Variants in RMDN3 observed in about 807,000 individuals in gnomAD.
RMDN3 encodes regulator of microtubule dynamics 3, also known as regulator of microtubule dynamics protein 3.
A neutral mutation model predicts 61.8 loss-of-function variants in RMDN3; 41 were observed. The ratio of observed to expected loss-of-function variants is 0.66; its 90% CI spans 0.52 to 0.86. The LOEUF (loss-of-function observed/expected upper bound fraction) is 0.86. RMDN3 is among the 40% of genes least tolerant of loss of function. The probability of loss-of-function intolerance (pLI) is 0.00; values close to 1 mark genes in which losing one functional copy is unlikely to be tolerated. For synonymous variants in RMDN3, 247 were observed against 232.0 expected, an observed-to-expected ratio of 1.06 and a Z score of -0.59; for missense variants, 557 against 585.3, an observed-to-expected ratio of 0.95 and a Z score of 0.50.
intron 4 of RMDN3, among the ~76,000 whole-genome samples, chr15:40,748,910 T>A (rs1167196705): frequency 6.9e-6 from 1 of 144,502 alleles, no homozygotes; most frequent in Non-Finnish European, 1.5e-5. Flanking sequence ...CTCAGTAATT[T>A]TTTTTTTTTT....
At chr15:40,743,370 G>C (rs576088662) in intron 6 of RMDN3, among the ~76,000 whole-genome samples, 1 of 151,514 alleles carries the variant, frequency 6.6e-6, no homozygotes, top group Non-Finnish European at 1.5e-5. Flanking sequence ...GCAGTCAGCC[G>C]AGATCAGGCC....
At position 40,736,604 on chromosome 15, in the gene RMDN3, C is replaced by T. The variant is rs1262839002; in HGVS notation, c.1360-10G>A. 6.2e-7 allele frequency: 1 copy of T among 1,613,456 alleles called. No homozygotes were observed. Among genetic ancestry groups the T allele is most frequent in the South Asian group, 1.1e-5 (1 of 91,056 alleles). On this transcript the variant is annotated splice_polypyrimidine_tract_variant and intron_variant, in intron 12 of 12. Coordinates refer to ENST00000338376, the MANE Select transcript of RMDN3 (RefSeq NM_018145.3). ...TCTGGATAGCCAAATCCTAGGGAGA[C>T]AAAGAACAAATCTAGGGCTCAAAAT...
Position 40,754,792 on chromosome 15 carries a change from T to G in RMDN3, c.-7-2A>C. Reference sequence around the variant, plus strand: ...GCTCCCAGTCTAGACATGCTGCACCTGCGGCCAGCAGAAGTCACCGGGAGC... The same window carrying G: ...GCTCCCAGTCTAGACATGCTGCACCGGCGGCCAGCAGAAGTCACCGGGAGC... On this transcript the variant is annotated splice_acceptor_variant, in intron 1 of 12. Transcript: ENST00000338376. LOFTEE classifies it low-confidence loss of function (5UTR_SPLICE). The G allele has an allele frequency of 2.9e-6, 4 of 1,375,968 alleles. No homozygotes were observed. Among genetic ancestry groups the G allele is most frequent in the Non-Finnish European group, 3.9e-6 (4 of 1,023,458 alleles). The allele number at this position is 1,375,968 out of a possible 1,614,324, so 85.2% of individuals were successfully genotyped here.
chr15:40,743,526 A>G (rs936279901), intron 6 of RMDN3, among the ~76,000 whole-genome samples: 1 of 152,200 alleles, frequency 6.6e-6, no homozygotes, highest in Non-Finnish European at 1.5e-5. Context: ...ATCAGTCTCT[A>G]AAGTCCAAGC....
At chr15:40,738,736 C>T (rs956791701) in intron 7 of RMDN3, 160 bp from the exon 8 acceptor site, 32 of 660,206 alleles carry the variant, frequency 4.8e-5, no homozygotes, top group South Asian at 9.1e-5. Flanking sequence ...CCATTCTTTA[C>T]GGACCTCTGG....
At chr15:40,738,069 A>C in intron 8 of RMDN3, 27 bp from the exon 9 acceptor site, 1 of 1,608,864 alleles carries the variant, frequency 6.2e-7, no homozygotes, top group Non-Finnish European at 8.5e-7. Context: ...AATATAAACT[A>C]ACATCAGACA....
At chr15:40,744,897 GCCTTCAT>G in intron 5 of RMDN3, 73 bp downstream of exon 5, 1 of 1,417,834 alleles carries the variant, frequency 7.1e-7, no homozygotes. Context: ...AACCACACGG[GCCTTCAT>G]TCCCCAGGGG....
At chr15:40,748,756 C>A (rs547523310) in intron 4 of RMDN3, among the ~76,000 whole-genome samples, 1 of 151,984 alleles carries the variant, frequency 6.6e-6, no homozygotes, top group African/African-American at 2.4e-5. Flanking sequence ...TGCACCACCA[C>A]GCCCAGCTAA....
chr15:40,743,053 G>A (rs1249340535), intron 6 of RMDN3, among the ~76,000 whole-genome samples: 1 of 152,170 alleles, frequency 6.6e-6, no homozygotes, highest in South Asian at 2.1e-4. Flanking sequence ...GGTACTGTTT[G>A]AGTATACATT....
intron 8 of RMDN3, 118 bp downstream of exon 8, chr15:40,738,381 CAA>C (rs34355108): frequency 1.2e-6 from 1 of 830,418 alleles, no homozygotes; most frequent in Middle Eastern, 2.3e-4. Context: ...GACTCTGTCT[CAA>C]AAAAAAAGAA....
Position 40,754,731 on chromosome 15 carries a change from A to T in RMDN3, c.53T>A (p.Leu18Gln). ...GAATCCAAGGCCGGCGGCGGTACCC[A>T]GCAACAGTCCCAGCCCGGCACGGGC... ...GGARAGLGLL[L>Q]GTAAGLGFLC... The change falls in exon 2 of 13, where the codon CTG becomes CAG. Residue 18 changes from leucine to glutamine, a missense_variant. Leu to Gln is a moderately radical substitution (Grantham distance 113, BLOSUM62 -2). Transcript: ENST00000338376. The T allele has an allele frequency of 2.5e-6, 4 of 1,613,152 alleles. No individual in the cohort carries two copies. Among genetic ancestry groups the T allele is most frequent in the Non-Finnish European group, 3.4e-6 (4 of 1,179,716 alleles).
chr15:40,738,177 A>G, intron 8 of RMDN3, 135 bp from the exon 9 acceptor site: 1 of 888,854 alleles, frequency 1.1e-6, no homozygotes, highest in South Asian at 1.5e-5. Flanking sequence ...ACCTGAGGTC[A>G]GGAGTTCGAA....
chr15:40,741,620 A>ATGTTTTTTTTTTTTTT (rs1897282721), intron 6 of RMDN3, among the ~76,000 whole-genome samples: 2 of 71,724 alleles, frequency 2.8e-5, no homozygotes, highest in African/African-American at 5.3e-5. Flanking sequence ...GCAACATAGG[A>ATGTTTTTTTTTTTTTT]TTTTTTTTTT....
chr15:40,739,850 T>TTTTG (rs1022490061), intron 7 of RMDN3, among the ~76,000 whole-genome samples: 19 of 152,168 alleles, frequency 1.2e-4, no homozygotes, highest in Middle Eastern at 3.4e-3. Flanking sequence ...AGAACTCCAG[T>TTTTG]TTTGTAGCTA....
At position 40,745,103 on chromosome 15, in the gene RMDN3, C is replaced by CA; in HGVS notation, c.680dup (p.Glu228GlyfsTer25). 2 of 1,614,132 alleles carry CA rather than the reference C, an allele frequency of 1.2e-6. No homozygotes were observed. Among genetic ancestry groups the CA allele is most frequent in the Non-Finnish European group, 1.7e-6 (2 of 1,180,018 alleles). ...CCAAGCCTGAGGAACCTCCAGCCTC[C>CA]AGGGCACTGGAGGCACCTGAAGCTG... On this transcript the variant is annotated frameshift_variant, in exon 5 of 13. Transcript: ENST00000338376. LOFTEE classifies it high-confidence loss of function.
intron 2 of RMDN3, among the ~76,000 whole-genome samples, chr15:40,752,422 C>T (rs1007007485): frequency 1.3e-5 from 2 of 151,788 alleles, no homozygotes; most frequent in Non-Finnish European, 2.9e-5. Context: ...CTGCACACCA[C>T]GATAGATAAT....
rs185527413 is a variant in RMDN3 at position 40,738,602 on chromosome 15, G to A, written c.972-26C>T. 2.2e-4 allele frequency: 362 copies of A among 1,612,556 alleles called. 6 individuals carry two copies. The East Asian group carries it at 3.5e-3, about 15-fold the overall frequency. On this transcript the variant is annotated intron_variant, in intron 7 of 12. Coordinates refer to ENST00000338376, the MANE Select transcript of RMDN3 (RefSeq NM_018145.3). ...CTAGGGGGGAAGCAGCAAGCTCAGG[G>A]ACAAGGGCTGAGTACCATCACTGCA...
In RMDN3 at chr15:40,736,917, G is replaced by T. The variant is rs371476834; in HGVS notation, c.1359+207C>A. Among the ~76,000 whole-genome samples, 10 of 152,206 alleles carry T rather than the reference G, an allele frequency of 6.6e-5. No homozygotes were observed. The East Asian group carries it at 1.5e-3, about 24-fold the overall frequency. On this transcript the variant is annotated intron_variant, in intron 12 of 12. Transcript: ENST00000338376. The stretch of plus-strand genomic sequence containing the variant: ...TGCCGAGGCTGGAGTGCAATGGCAC[G>T]ATCTGAGCTCACTGCAACCTCCACC...
In RMDN3 at chr15:40,754,666, G is replaced by A; in HGVS notation, c.118C>T (p.Arg40Cys). Reference protein sequence around the residue: ...LYSQRWKRTQRHGRSQSLPNS... With the variant: ...LYSQRWKRTQCHGRSQSLPNS... ...GGCAGGCTCTGGCTGCGGCCATGAC[G>A]CTGGGTCCGTTTCCATCGCTGGCTG... Residue 40 changes from arginine to cysteine, a missense_variant, in exon 2 of 13, where the codon CGT becomes TGT. Arg to Cys is a radical substitution (Grantham distance 180). Transcript: ENST00000338376. The A allele has an allele frequency of 6.2e-7, 1 of 1,614,136 alleles. No individual in the cohort carries two copies. Among genetic ancestry groups the A allele is most frequent in the Non-Finnish European group, 8.5e-7 (1 of 1,180,020 alleles).
Sources: gnomAD v4.1 joint callset for allele counts (sites outside exome capture counted in the v4.1 genomes callset) on GRCh38, gnomAD v4.1.1 for gene constraint, MANE v1.5 for transcripts, NCBI Gene and HGNC (gene_info 2026-07-23, HGNC 2026-07-21) for gene names.